The following EMCN variants were observed in gnomAD, a reference collection of about 807,000 sequenced individuals.
EMCN encodes the protein endomucin, also known as MUC-14.
In EMCN, 37 loss-of-function variants were observed where a neutral mutation model predicts 38.4. The ratio of observed to expected loss-of-function variants is 0.96; its 90% CI spans 0.74 to 1.27. EMCN has a LOEUF of 1.27. Among genes scored for constraint, EMCN ranks in the 50% most tolerant of loss-of-function variants. EMCN has a pLI of 0.00. For missense variants in EMCN, 318 were observed against 302.8 expected (o/e 1.05, Z -0.37); for synonymous variants, 95 against 100.8 (o/e 0.94, Z 0.35).
chr4:100,465,889 C>T (rs115286160), intron 3 of EMCN, among the ~76,000 whole-genome samples: 144 of 152,076 alleles, frequency 9.5e-4, no homozygotes, highest in African/African-American at 3.2e-3. Flanking sequence ...AGAACAATGA[C>T]CTGAATTCAA....
At chr4:100,472,710 T>C (rs1161786597) in intron 3 of EMCN, among the ~76,000 whole-genome samples, 1 of 152,040 alleles carries the variant, frequency 6.6e-6, no homozygotes, top group Admixed American at 6.5e-5. Flanking sequence ...AGGACTCACA[T>C]TTCCTGTTTT....
At chr4:100,444,494 G>A (rs995583883) in intron 5 of EMCN, among the ~76,000 whole-genome samples, 3 of 152,092 alleles carry the variant, frequency 2.0e-5, no homozygotes, top group African/African-American at 4.8e-5. Context: ...TGGCATTGAG[G>A]GGCATGACTG....
intron 5 of EMCN, among the ~76,000 whole-genome samples, chr4:100,426,982 TGA>T (rs1727062772): frequency 6.6e-6 from 1 of 152,140 alleles, no homozygotes; most frequent in Admixed American, 6.6e-5. Context: ...CTTTATTCTG[TGA>T]GTTTCCCTCC....
chr4:100,408,063 G>C (rs1310787307), intron 11 of EMCN, among the ~76,000 whole-genome samples: 1 of 152,102 alleles, frequency 6.6e-6, no homozygotes, highest in African/African-American at 2.4e-5. Context: ...GAGTTTTTCA[G>C]CTCTGTCAGA....
chr4:100,470,109 C>A (rs540175327), intron 3 of EMCN, among the ~76,000 whole-genome samples: 1 of 151,876 alleles, frequency 6.6e-6, no homozygotes, highest in African/African-American at 2.4e-5. Flanking sequence ...AACAGATAAC[C>A]TACAGAATGG....
chr4:100,457,886 A>G (rs1184467351), intron 4 of EMCN, among the ~76,000 whole-genome samples: 1 of 152,164 alleles, frequency 6.6e-6, no homozygotes, highest in Non-Finnish European at 1.5e-5. Flanking sequence ...TGGGAGGCTC[A>G]GGTGGGTGGA....
intron 5 of EMCN, among the ~76,000 whole-genome samples, chr4:100,429,932 TTTTC>T (rs1308762213): frequency 1.3e-5 from 2 of 152,148 alleles, no homozygotes; most frequent in Non-Finnish European, 2.9e-5. Context: ...ACCCTTTCTG[TTTTC>T]TTTCTAATAT....
intron 1 of EMCN, among the ~76,000 whole-genome samples, chr4:100,512,552 C>T (rs1201084783): frequency 1.3e-5 from 2 of 152,084 alleles, no homozygotes; most frequent in African/African-American, 4.8e-5. Flanking sequence ...TGCCTGTAAT[C>T]CCAGCATTTT....
At chr4:100,411,808 A>T (rs1189636891) in intron 10 of EMCN, among the ~76,000 whole-genome samples, 2 of 152,190 alleles carry the variant, frequency 1.3e-5, no homozygotes, top group Non-Finnish European at 2.9e-5. Flanking sequence ...AGATGAGGGA[A>T]AGACTATTTG....
chr4:100,416,934 A>C (rs528417613), intron 9 of EMCN, among the ~76,000 whole-genome samples, 183 bp downstream of exon 9: 1 of 152,170 alleles, frequency 6.6e-6, no homozygotes, highest in Admixed American at 6.6e-5. Context: ...CCATTCTAAG[A>C]TTAAACATGA....
chr4:100,436,886 AAG>A (rs1282276163), intron 5 of EMCN, among the ~76,000 whole-genome samples: 2 of 152,064 alleles, frequency 1.3e-5, no homozygotes. Context: ...TGTGCGGGGG[AAG>A]AGAGAGCATT....
In EMCN at chr4:100,497,072, C is replaced by CT. The variant is rs1560640941; in HGVS notation, c.65-17034dup. On this transcript the variant is annotated intron_variant, in intron 1 of 11. Coordinates refer to ENST00000296420, the MANE Select transcript of EMCN (RefSeq NM_016242.4). ...CAGGGAAGCCCAAATTTCAGTATTG[C>CT]TTTAGGGACTGATAATATAGGTAGA... Among the ~76,000 whole-genome samples, 5 of 151,054 alleles carry CT rather than the reference C, an allele frequency of 3.3e-5. No individual in the cohort carries two copies. In the South Asian group the frequency reaches 8.3e-4, roughly 25 times the overall value.
In EMCN at chr4:100,517,972, C is replaced by A; in HGVS notation, c.-58G>T. 6.4e-7 allele frequency: 1 copy of A among 1,557,116 alleles called. No homozygotes were observed. The highest frequency in any genetic ancestry group is 2.2e-5 in the East Asian group (1 of 44,566). Reference sequence around the variant, plus strand: ...TCCAGAAGCAGGCAGGGACAATTCCCTCCCAGCCTGGCAGGGCCTTATTAG... The same window carrying A: ...TCCAGAAGCAGGCAGGGACAATTCCATCCCAGCCTGGCAGGGCCTTATTAG... On this transcript the variant is annotated 5_prime_UTR_variant, in exon 1 of 12. In the 5' UTR this introduces an upstream ATG that the reference lacks. Transcript: ENST00000296420.
chr4:100,426,181 T>C (rs1281167282), intron 5 of EMCN, among the ~76,000 whole-genome samples: 1 of 152,122 alleles, frequency 6.6e-6, no homozygotes, highest in Non-Finnish European at 1.5e-5. Flanking sequence ...CTGTGATTGC[T>C]ATAATAATGC....
chr4:100,456,590 T>C (rs189447398), intron 4 of EMCN, among the ~76,000 whole-genome samples: 7 of 152,318 alleles, frequency 4.6e-5, no homozygotes, highest in Admixed American at 3.3e-4. Context: ...GACACATAAG[T>C]TACTGTAGTT....
intron 1 of EMCN, among the ~76,000 whole-genome samples, chr4:100,483,654 C>T (rs1728870878): frequency 6.6e-6 from 1 of 152,208 alleles, no homozygotes; most frequent in South Asian, 2.1e-4. Flanking sequence ...AAAAGTTTTT[C>T]ATTTAGAAAA....
intron 1 of EMCN, among the ~76,000 whole-genome samples, chr4:100,497,616 T>C (rs1048026919): frequency 3.9e-5 from 6 of 152,172 alleles, no homozygotes; most frequent in African/African-American, 1.2e-4. Flanking sequence ...GACCTCATGA[T>C]CCGCCTGCCT....
chr4:100,468,425 CA>C (rs1277050294), intron 3 of EMCN, among the ~76,000 whole-genome samples: 1 of 152,132 alleles, frequency 6.6e-6, no homozygotes, highest in African/African-American at 2.4e-5. Context: ...GGTTTGTGGT[CA>C]TGGATTTTAA....
intron 10 of EMCN, among the ~76,000 whole-genome samples, chr4:100,413,360 C>A (rs1014081428): frequency 2.0e-5 from 3 of 152,016 alleles, no homozygotes; most frequent in East Asian, 1.9e-4. Flanking sequence ...CAAACCTAAC[C>A]ATTTAAGTTT....
Sources: allele counts gnomAD v4.1 joint callset (sites outside exome capture counted in the v4.1 genomes callset), GRCh38; gene constraint gnomAD v4.1.1; transcripts MANE v1.5; gene names NCBI Gene and HGNC (gene_info 2026-07-23, HGNC 2026-07-21).